Variants in DIDO1 observed in about 807,000 individuals in gnomAD.
The protein encoded by DIDO1 is death inducer-obliterator 1.
In DIDO1, 16 loss-of-function variants were observed where a neutral mutation model predicts 99.4. The ratio of observed to expected loss-of-function variants is 0.16; its 90% CI spans 0.11 to 0.24. DIDO1 has a LOEUF of 0.24. Ranked by LOEUF, DIDO1 falls within the 10% of genes least tolerant of loss-of-function variation. DIDO1 has a pLI of 1.00. For missense variants in DIDO1, 2,996 were observed against 3,014.0 expected, an observed-to-expected ratio of 0.99 and a Z score of 0.14; for synonymous variants, 1,366 against 1,239.1, an observed-to-expected ratio of 1.10 and a Z score of -2.15.
chr20:62,918,814 T>C (rs2065083905), intron 1 of DIDO1, among the ~76,000 whole-genome samples: 1 of 145,864 alleles, frequency 6.9e-6, no homozygotes, highest in South Asian at 2.2e-4. Context: ...GTCTCCTGGC[T>C]CATCAATCTG....
intron 1 of DIDO1, among the ~76,000 whole-genome samples, chr20:62,925,628 C>T (rs1259152468): frequency 6.6e-6 from 1 of 152,204 alleles, no homozygotes; most frequent in Non-Finnish European, 1.5e-5. Context: ...TATTAAAGTC[C>T]TTTATTTAGA....
At chr20:62,891,349 C>T (rs549612157) in intron 14 of DIDO1, among the ~76,000 whole-genome samples, 194 bp from the exon 15 acceptor site, 1 of 152,334 alleles carries the variant, frequency 6.6e-6, no homozygotes, top group Admixed American at 6.5e-5. Flanking sequence ...CGAGCCGGCT[C>T]TTCCTACATG....
At chr20:62,929,695 G>GTATA (rs71195479), upstream of DIDO1, among the ~76,000 whole-genome samples, 9 of 97,956 alleles carry the variant, frequency 9.2e-5, 1 homozygote, top group East Asian at 1.5e-3. Context: ...AAGAAAAAGT[G>GTATA]TATATATATA....
At chr20:62,932,592 C>T (rs1268760627) in intron 1 of DIDO1, among the ~76,000 whole-genome samples, 1 of 152,186 alleles carries the variant, frequency 6.6e-6, no homozygotes, top group Admixed American at 6.5e-5. Context: ...TACTCTTTGG[C>T]CTTTCCCACT....
At chr20:62,929,046 T>TA (rs1382322233), upstream of DIDO1, 1 of 152,086 alleles carries the variant, frequency 6.6e-6, no homozygotes, top group Non-Finnish European at 1.5e-5. Flanking sequence ...TGACCCAAAA[T>TA]AAAAATACTA....
intron 15 of DIDO1, among the ~76,000 whole-genome samples, chr20:62,882,769 T>C (rs2064234002): frequency 6.6e-6 from 1 of 151,662 alleles, no homozygotes; most frequent in Non-Finnish European, 1.5e-5. Context: ...TTTTAAATTA[T>C]AATGCTAGAG....
In DIDO1 at chr20:62,893,879, A is replaced by C; in HGVS notation, c.2888T>G (p.Val963Gly). ...CGSGVVTTVTVSGRDPRTAPS... is the reference protein window; with the variant it reads ...CGSGVVTTVTGSGRDPRTAPS... ...AGCGGTCCTGGGGTCCCGGCCGGACACTGTGACGGTGGTGACCACCCCGCT... is the reference window on the plus strand; with the variant it reads ...AGCGGTCCTGGGGTCCCGGCCGGACCCTGTGACGGTGGTGACCACCCCGCT... Residue 963 changes from valine (V) to glycine (G), a missense_variant, in exon 12 of 16, where the codon GTG becomes GGG. Coordinates refer to ENST00000395343, the MANE Select transcript of DIDO1 (RefSeq NM_001193369.2). The C allele has an allele frequency of 1.2e-6, 2 of 1,611,776 alleles. No individual in the cohort carries two copies. The highest frequency in any genetic ancestry group is 2.2e-5 in the South Asian group (2 of 91,052).
At chr20:62,912,060 G>A (rs1205319544) in intron 2 of DIDO1, among the ~76,000 whole-genome samples, 2 of 152,212 alleles carry the variant, frequency 1.3e-5, no homozygotes, top group Non-Finnish European at 2.9e-5. Flanking sequence ...TGAACAAGAC[G>A]CTGTGCCAGT....
chr20:62,883,183 CA>C (rs1000612406), intron 15 of DIDO1, among the ~76,000 whole-genome samples: 2 of 151,864 alleles, frequency 1.3e-5, no homozygotes, highest in Admixed American at 1.3e-4. Context: ...CTCGGCCTCC[CA>C]AAGTGCTGGG....
intron 15 of DIDO1, chr20:62,888,069 G>A: frequency 2.0e-6 from 2 of 985,576 alleles, no homozygotes; most frequent in Non-Finnish European, 2.4e-6. Flanking sequence ...TGCCCGACAA[G>A]GGCCAAGTGC....
rs146507804 is a variant in DIDO1, at chr20:62,925,201, T to C, written c.-200+1238A>G. Among the ~76,000 whole-genome samples, 4 of 152,338 alleles carry C rather than the reference T, an allele frequency of 2.6e-5. No individual in the cohort carries two copies. The East Asian group carries it at 5.8e-4, about 22-fold the overall frequency. Reference sequence around the variant, plus strand: ...GATTTAAAGGAAGGAGCTGGAATAATCTCTCAAGTTCCCCAGTGAACTTGT... The same window carrying C: ...GATTTAAAGGAAGGAGCTGGAATAACCTCTCAAGTTCCCCAGTGAACTTGT... On this transcript the variant is annotated intron_variant, in intron 1 of 15. Transcript: ENST00000395343.
upstream of DIDO1, among the ~76,000 whole-genome samples, chr20:62,927,525 G>C (rs2065276091): frequency 6.6e-6 from 1 of 152,162 alleles, no homozygotes; most frequent in South Asian, 2.1e-4. Flanking sequence ...CAGGGACCTG[G>C]GGGGGGTGGA....
At position 62,881,306 on chromosome 20, in the gene DIDO1, G is replaced by A. The variant is rs781004976; in HGVS notation, c.4650C>T (p.Pro1550=). The change falls in exon 16 of 16, where the codon CCC becomes CCT. Residue 1550 remains proline (P), a synonymous_variant. Coordinates refer to ENST00000395343, the MANE Select transcript of DIDO1 (RefSeq NM_001193369.2). The surrounding 1 kb of genome is among the most constrained non-coding windows in gnomAD (Gnocchi z 8.3). ...CCCTGTGGTTTGACGCCTGGCTGGC[G>A]GGGGGCAGTGAGGCGGGCTTGTCTG... ...QSADKPASLP[P]ASQASNHRDP... The A allele has an allele frequency of 3.7e-6, 6 of 1,604,266 alleles. No individual in the cohort carries two copies. Among genetic ancestry groups the A allele is most frequent in the Middle Eastern group, 1.6e-4 (1 of 6,062 alleles).
chr20:62,909,644 A>G, intron 4 of DIDO1, 55 bp downstream of exon 4: 1 of 1,590,156 alleles, frequency 6.3e-7, no homozygotes, highest in Admixed American at 1.7e-5. Flanking sequence ...CTAGAGCGAG[A>G]CTGAAACCAG....
chr20:62,930,371 GGGAGAGCATGGACGATAGT>G (rs1478799523), upstream of DIDO1, among the ~76,000 whole-genome samples: 1 of 152,214 alleles, frequency 6.6e-6, no homozygotes, highest in Admixed American at 6.5e-5. Context: ...CCAACACAGA[GGGAGAGCATGGACGATAGT>G]GGGTAACATA....
intron 6 of DIDO1, chr20:62,905,017 T>C: frequency 2.0e-6 from 2 of 988,680 alleles, no homozygotes; most frequent in Non-Finnish European, 2.4e-6. Context: ...GAATTGAAAA[T>C]AGTTTTATAG....
chr20:62,929,458 G>C (rs1487398133), upstream of DIDO1, among the ~76,000 whole-genome samples: 1 of 152,100 alleles, frequency 6.6e-6, no homozygotes, highest in Non-Finnish European at 1.5e-5. Context: ...GAGGCCTGCA[G>C]GGATGCACCG....
intron 1 of DIDO1, among the ~76,000 whole-genome samples, chr20:62,919,500 A>G (rs1193764400): frequency 6.6e-6 from 1 of 152,058 alleles, no homozygotes. Flanking sequence ...AGATCGTGCC[A>G]CTGTACTCCA....
chr20:62,895,328 GACCTA>G (rs1188476295), intron 8 of DIDO1, among the ~76,000 whole-genome samples, 163 bp from the exon 9 acceptor site: 3 of 152,194 alleles, frequency 2.0e-5, no homozygotes, highest in African/African-American at 7.2e-5. Flanking sequence ...TGCAGGGTGT[GACCTA>G]ACTCCCCAAA....
Sources: gnomAD v4.1 joint callset for allele counts (sites outside exome capture counted in the v4.1 genomes callset) on GRCh38, gnomAD v4.1.1 for gene constraint, Gnocchi (gnomAD v3.1) non-coding constraint, MANE v1.5 for transcripts, NCBI Gene and HGNC (gene_info 2026-07-23, HGNC 2026-07-21) for gene names.